Variants in HIVEP3 observed in about 807,000 individuals in gnomAD.
HIVEP3 encodes the protein HIVEP zinc finger 3.
HIVEP3 carries 49 observed loss-of-function variants against 152.8 expected under a neutral mutation model. The ratio of observed to expected loss-of-function variants is 0.32; its 90% confidence interval spans 0.26 to 0.41. HIVEP3 has a LOEUF of 0.41. Ranked by LOEUF, HIVEP3 falls within the 10% of genes least tolerant of loss-of-function variation. The pLI is 1.00. For missense variants in HIVEP3, 2,790 were observed against 3,103.3 expected (o/e 0.90, Z 2.40); for synonymous variants, 1,269 against 1,289.0 (o/e 0.98, Z 0.33).
intron 1 of HIVEP3, among the ~76,000 whole-genome samples, chr1:41,715,392 G>A (rs1357839879): frequency 1.3e-5 from 2 of 152,152 alleles, no homozygotes; most frequent in Admixed American, 6.5e-5. Context: ...TGAGTCTTCA[G>A]CCTGGGCCCA....
intron 1 of HIVEP3, among the ~76,000 whole-genome samples, chr1:41,862,987 A>G (rs939869537): frequency 1.3e-5 from 2 of 152,228 alleles, no homozygotes; most frequent in African/African-American, 4.8e-5. Flanking sequence ...ACACACACAC[A>G]AGAGCAATGC....
chr1:41,649,357 G>T (rs867511622), intron 2 of HIVEP3, among the ~76,000 whole-genome samples: 6 of 152,232 alleles, frequency 3.9e-5, no homozygotes, highest in African/African-American at 1.4e-4. Flanking sequence ...CTGCGGGGCA[G>T]GGCCCAGGAA....
At chr1:42,003,144 C>T (rs561197343) in intron 1 of HIVEP3, among the ~76,000 whole-genome samples, 5 of 152,030 alleles carry the variant, frequency 3.3e-5, no homozygotes, top group East Asian at 1.9e-4. Context: ...GGCACAATCT[C>T]GGCTCACTGT....
At chr1:41,907,777 C>G (rs1214003024) in intron 1 of HIVEP3, among the ~76,000 whole-genome samples, 1 of 152,134 alleles carries the variant, frequency 6.6e-6, no homozygotes, top group Non-Finnish European at 1.5e-5. Context: ...ACCTCTTGGA[C>G]AAAGAGAGTT....
chr1:41,912,406 A>C (rs1644810928), intron 1 of HIVEP3, among the ~76,000 whole-genome samples: 1 of 152,212 alleles, frequency 6.6e-6, no homozygotes, highest in Non-Finnish European at 1.5e-5. Flanking sequence ...AGAAACTCTC[A>C]TATCAAATTG....
intron 1 of HIVEP3, among the ~76,000 whole-genome samples, chr1:42,012,363 T>A (rs540889719): frequency 1.8e-4 from 28 of 152,270 alleles, no homozygotes; most frequent in Admixed American, 1.8e-3. Flanking sequence ...AGGAGTGGCC[T>A]TTAAGAAGTA....
At chr1:41,556,226 A>G (rs1476426449) in intron 5 of HIVEP3, among the ~76,000 whole-genome samples, 1 of 152,216 alleles carries the variant, frequency 6.6e-6, no homozygotes, top group Non-Finnish European at 1.5e-5. Flanking sequence ...CAGCGGCTGC[A>G]CCATTTCACG....
In HIVEP3 at chr1:41,584,251, CCTT is replaced by C. The variant is rs1340134825; in HGVS notation, c.544_546del (p.Lys182del). On this transcript the variant is annotated inframe_deletion, in exon 4 of 9. Transcript: ENST00000372583. This position sits in a 1 kb window ranked among gnomAD's most constrained non-coding sequence, Gnocchi z 5.2. The stretch of plus-strand genomic sequence containing the variant: ...TTGCCTGGCTTCTGGGGCTTCCTCT[CCTT>C]CTTGTGTGCCTCTTCTGTGGGCTTC... 6.2e-7 allele frequency: 1 copy of C among 1,613,622 alleles called. No homozygotes were observed. The highest frequency in any genetic ancestry group is 1.7e-5 in the Admixed American group (1 of 59,992).
chr1:41,852,524 G>A (rs1438420763), intron 1 of HIVEP3, among the ~76,000 whole-genome samples: 2 of 152,094 alleles, frequency 1.3e-5, no homozygotes, highest in Non-Finnish European at 2.9e-5. Context: ...CCTTAGGGTG[G>A]GTTCTACACT....
intron 1 of HIVEP3, among the ~76,000 whole-genome samples, chr1:41,773,320 G>A (rs532728490): frequency 5.3e-4 from 81 of 152,334 alleles, no homozygotes; most frequent in Admixed American, 3.6e-3. Context: ...TCTCTCTGCT[G>A]GGCAAGGCTG....
At chr1:41,938,235 G>T (rs189642946) in intron 1 of HIVEP3, among the ~76,000 whole-genome samples, 104 of 152,154 alleles carry the variant, frequency 6.8e-4, no homozygotes, top group African/African-American at 2.4e-3. Flanking sequence ...CCCCTATATG[G>T]CATGGACCAA....
chr1:41,605,273 G>A (rs1644803889), intron 3 of HIVEP3, among the ~76,000 whole-genome samples: 1 of 151,750 alleles, frequency 6.6e-6, no homozygotes, highest in Admixed American at 6.6e-5. Context: ...AATGGGGCAG[G>A]TGGGTATTTA....
At chr1:41,861,944 G>T (rs149884570) in intron 1 of HIVEP3, among the ~76,000 whole-genome samples, 308 of 152,302 alleles carry the variant, frequency 2.0e-3, no homozygotes, top group African/African-American at 7.2e-3. Flanking sequence ...AATAGATCTG[G>T]AAGATACCAC....
chr1:41,681,793 A>T (rs1036025666), intron 2 of HIVEP3, among the ~76,000 whole-genome samples: 2 of 152,216 alleles, frequency 1.3e-5, no homozygotes, highest in Non-Finnish European at 2.9e-5. Context: ...TTCCACTGCC[A>T]CAACCTTGTG....
intron 1 of HIVEP3, among the ~76,000 whole-genome samples, chr1:41,933,897 T>C (rs538863803): frequency 2.4e-4 from 36 of 152,122 alleles, no homozygotes; most frequent in Non-Finnish European, 4.1e-4. Context: ...CCTGCTTCAC[T>C]TCTGAATCCA....
intron 1 of HIVEP3, among the ~76,000 whole-genome samples, chr1:41,832,846 G>A (rs148329217): frequency 2.2e-4 from 34 of 152,268 alleles, no homozygotes; most frequent in Middle Eastern, 6.8e-3. Context: ...TTTTAAATGA[G>A]ATCTGTCTGG....
intron 2 of HIVEP3, among the ~76,000 whole-genome samples, chr1:41,658,117 C>T (rs1169102579): frequency 6.6e-6 from 1 of 152,220 alleles, no homozygotes; most frequent in Non-Finnish European, 1.5e-5. Flanking sequence ...CTCACAACTA[C>T]ACCCTCTTCT....
chr1:41,599,484 G>A (rs1644714910), intron 3 of HIVEP3, among the ~76,000 whole-genome samples: 1 of 152,118 alleles, frequency 6.6e-6, no homozygotes, highest in Non-Finnish European at 1.5e-5. Context: ...GACAAACCAT[G>A]GGTTGGGAGA....
At chr1:42,010,458 G>A (rs79629648) in intron 1 of HIVEP3, among the ~76,000 whole-genome samples, 340 of 152,126 alleles carry the variant, frequency 2.2e-3, no homozygotes, top group African/African-American at 7.8e-3. Flanking sequence ...TGAATGTGAG[G>A]GCTGACTCTA....
Sources: gnomAD v4.1 joint callset for allele counts (sites outside exome capture counted in the v4.1 genomes callset) on GRCh38, gnomAD v4.1.1 for gene constraint, Gnocchi (gnomAD v3.1) non-coding constraint, MANE v1.5 for transcripts, NCBI Gene and HGNC (gene_info 2026-07-23, HGNC 2026-07-21) for gene names.